SLC25A15: variants seen among roughly 807,000 people sequenced by gnomAD.
The protein encoded by SLC25A15 is solute carrier family 25 member 15.
Under a neutral mutation model 32.3 loss-of-function variants are expected in SLC25A15, and 24 were observed. The ratio of observed to expected loss-of-function variants is 0.74; its 90% CI spans 0.54 to 1.04. The LOEUF (loss-of-function observed/expected upper bound fraction) is 1.04, where lower values mean the gene tolerates loss of function less well. SLC25A15 is among the 50% of genes least tolerant of loss of function. SLC25A15 has a pLI of 0.00. For missense variants in SLC25A15, 317 were observed against 374.5 expected, an observed-to-expected ratio of 0.85 and a Z score of 1.27; for synonymous variants, 132 against 142.1, an observed-to-expected ratio of 0.93 and a Z score of 0.51.
rs1161229751 is a variant in SLC25A15 at position 40,812,394 on chromosome 13, AAT to A, written c.*2731_*2732del. Among the ~76,000 whole-genome samples the A allele has an allele frequency of 1.3e-5, 2 of 152,252 alleles. No homozygotes were observed. The highest frequency in any genetic ancestry group is 3.8e-4 in the East Asian group (2 of 5,198). ...ATTTCATATCTGTACTCCAGGCAGA[AAT>A]ATAACTTGAAAATACTGTGTCTAAA... On this transcript the variant is annotated 3_prime_UTR_variant, in exon 7 of 7. Transcript: ENST00000338625.
At position 40,807,368 on chromosome 13, in the gene SLC25A15, C is replaced by G. The variant is rs1424373746; in HGVS notation, c.527C>G (p.Thr176Ser). Reference sequence around the variant, plus strand: ...GGGTTCTACCATGGACTCTCAAGCACTTTACTTCGAGAAGTACCAGGCTAT... The same window carrying G: ...GGGTTCTACCATGGACTCTCAAGCAGTTTACTTCGAGAAGTACCAGGCTAT... ...PLGFYHGLSS[T>S]LLREVPGYFF... Residue 176 changes from threonine (T) to serine (S), a missense_variant, in exon 5 of 7, where the codon ACT (threonine) becomes AGT (serine). By Grantham distance (58) the Thr-to-Ser change is moderately conservative. Transcript: ENST00000338625. 2 of 1,613,990 alleles carry G rather than the reference C, an allele frequency of 1.2e-6. No individual in the cohort carries two copies. The highest frequency in any genetic ancestry group is 2.7e-5 in the African/African-American group (2 of 74,894).
intron 3 of SLC25A15, among the ~76,000 whole-genome samples, chr13:40,800,636 G>A (rs1306591589): frequency 3.9e-5 from 6 of 152,198 alleles, no homozygotes; most frequent in Admixed American, 2.6e-4. Flanking sequence ...AGCCCCTCCA[G>A]CCACAGGATA....
At position 40,808,537 on chromosome 13, in the gene SLC25A15, C is replaced by G; in HGVS notation, c.722C>G (p.Ser241Cys). 6.2e-7 allele frequency: 1 copy of G among 1,612,042 alleles called. No individual in the cohort carries two copies. Among genetic ancestry groups the G allele is most frequent in the East Asian group, 2.2e-5 (1 of 44,886 alleles). The stretch of plus-strand genomic sequence containing the variant: ...ATCAAATCCAGAATTCAAGTTCTTT[C>G]CATGTCTGGAAAACAGGCAGGATTT... ...DCIKSRIQVL[S>C]MSGKQAGFIR... The change falls in exon 6 of 7, where the codon TCC becomes TGC. Residue 241 changes from serine to cysteine, a missense_variant. Transcript: ENST00000338625.
intron 3 of SLC25A15, among the ~76,000 whole-genome samples, chr13:40,804,215 T>C (rs1177126578): frequency 6.6e-6 from 1 of 152,160 alleles, no homozygotes; most frequent in African/African-American, 2.4e-5. Context: ...TGGCCTCTTC[T>C]TCTAAGGGAC....
At position 40,808,432 on chromosome 13, in the gene SLC25A15, CT is replaced by C. The variant is rs1190124929; in HGVS notation, c.623-5del. The C allele has an allele frequency of 8.1e-6, 13 of 1,603,564 alleles. No individual in the cohort carries two copies. Among genetic ancestry groups the C allele is most frequent in the Non-Finnish European group, 1.0e-5 (12 of 1,176,368 alleles). On this transcript the variant is annotated splice_polypyrimidine_tract_variant and splice_region_variant and intron_variant, in intron 5 of 6. Transcript: ENST00000338625. ...AAATACCATTTGCTATTTTTTTTTT[CT>C]CTAGGCCCTGTACCTTTGATGTTAA...
chr13:40,810,901 CT>C lies in SLC25A15; in HGVS notation c.*1235del. 5 of 532,674 alleles carry C rather than the reference CT, an allele frequency of 9.4e-6. No homozygotes were observed. Among genetic ancestry groups the C allele is most frequent in the South Asian group, 7.0e-5 (5 of 71,344 alleles). 33.0% of individuals were successfully genotyped at this position (532,674 alleles called of 1,614,324 possible). On this transcript the variant is annotated 3_prime_UTR_variant, in exon 7 of 7. Transcript: ENST00000338625. ...CAATCCACTTTGGGCCACTCACTGT[CT>C]GCTCTGCCTCCACCAATCAGAAACC...
rs151239794 is a variant in SLC25A15, at chr13:40,807,406, G to A, written c.565G>A (p.Gly189Ser). Reference protein sequence around the residue: ...REVPGYFFFFGGYELSRSFFA... With the variant: ...REVPGYFFFFSGYELSRSFFA... ...AGTACCAGGCTATTTCTTCTTCTTCGGTGGCTATGAACTGAGCCGGTCCTT... is the reference window on the plus strand; with the variant it reads ...AGTACCAGGCTATTTCTTCTTCTTCAGTGGCTATGAACTGAGCCGGTCCTT... Residue 189 changes from glycine (G) to serine (S), a missense_variant, in exon 5 of 7, where the codon GGT becomes AGT. Gly to Ser is a moderately conservative substitution (Grantham distance 56). Transcript: ENST00000338625. 3.2e-4 allele frequency: 522 copies of A among 1,614,086 alleles called. 1 individual carries two copies. The highest frequency in any genetic ancestry group is 1.6e-3 in the Middle Eastern group (10 of 6,062).
At chr13:40,803,413 G>A (rs1016994692) in intron 3 of SLC25A15, among the ~76,000 whole-genome samples, 3 of 151,940 alleles carry the variant, frequency 2.0e-5, no homozygotes, top group Admixed American at 2.0e-4. Context: ...TGCCATGTTG[G>A]CCAGGCCTCA....
At chr13:40,794,161 A>T (rs1175608405) in intron 2 of SLC25A15, among the ~76,000 whole-genome samples, 4 of 152,154 alleles carry the variant, frequency 2.6e-5, no homozygotes, top group African/African-American at 4.8e-5. Flanking sequence ...ACCAACATGG[A>T]GAAACCCCGT....
intron 2 of SLC25A15, among the ~76,000 whole-genome samples, chr13:40,795,654 A>G (rs1536807): frequency 0.54 from 82,343 of 151,666 alleles, 22,474 homozygotes; most frequent in Middle Eastern, 0.61. Flanking sequence ...GGGACAGGAT[A>G]GGGAGGGGGA....
chr13:40,807,527 C>A (rs1882243730), intron 5 of SLC25A15, 64 bp downstream of exon 5: 33 of 1,557,370 alleles, frequency 2.1e-5, no homozygotes, highest in Non-Finnish European at 2.8e-5. Context: ...GGTATGGTTT[C>A]TGTGGATTCT....
At chr13:40,807,138 G>A (rs1384771929) in intron 4 of SLC25A15, among the ~76,000 whole-genome samples, 156 bp from the exon 5 acceptor site, 1 of 152,188 alleles carries the variant, frequency 6.6e-6, no homozygotes, top group East Asian at 1.9e-4. Context: ...TCCCACAGAA[G>A]GATGCCGTTG....
chr13:40,809,425 T>C, intron 6 of SLC25A15, 118 bp from the exon 7 acceptor site: 5 of 1,249,534 alleles, frequency 4.0e-6, no homozygotes, highest in Non-Finnish European at 5.9e-6. Context: ...CTATGACTTG[T>C]TGGTTTTTAG....
chr13:40,801,246 G>A (rs1212775792), intron 3 of SLC25A15, among the ~76,000 whole-genome samples: 110 of 144,484 alleles, frequency 7.6e-4, no homozygotes, highest in East Asian at 8.0e-4. Context: ...AAAAAAAAAA[G>A]AAAAGAAAAG....
rs1882406000 is a variant in SLC25A15 at position 40,810,602 on chromosome 13, C to G, written c.*935C>G. Among the ~76,000 whole-genome samples the G allele has an allele frequency of 1.3e-5, 2 of 152,076 alleles. No homozygotes were observed. Among genetic ancestry groups the G allele is most frequent in the Admixed American group, 6.6e-5 (1 of 15,264 alleles). ...CTTCAGAGTAGGTATCCTAGATTTC[C>G]CCAAGATGCTCTACTCTTAAAATAG... On this transcript the variant is annotated 3_prime_UTR_variant, in exon 7 of 7. Coordinates refer to ENST00000338625, the MANE Select transcript of SLC25A15 (RefSeq NM_014252.4).
rs886050243 is a variant in SLC25A15 at position 40,811,012 on chromosome 13, G to C, written c.*1345G>C. The stretch of plus-strand genomic sequence containing the variant: ...TGTGACAGTGGGTGAACCTCTCTCA[G>C]AGAGAACTAGAAAGAACTCAGTGCT... On this transcript the variant is annotated 3_prime_UTR_variant, in exon 7 of 7. Coordinates refer to ENST00000338625, the MANE Select transcript of SLC25A15 (RefSeq NM_014252.4). 6.6e-6 allele frequency among the ~76,000 whole-genome samples: 1 copy of C among 152,208 alleles called. No homozygotes were observed. The highest frequency in any genetic ancestry group is 2.4e-5 in the African/African-American group (1 of 41,446).
Position 40,793,297 on chromosome 13 carries a change from T to G in SLC25A15, c.55+16T>G, listed in dbSNP as rs1803368766. On this transcript the variant is annotated intron_variant, in intron 2 of 6. Coordinates refer to ENST00000338625, the MANE Select transcript of SLC25A15 (RefSeq NM_014252.4). The stretch of plus-strand genomic sequence containing the variant: ...GGGGCTGCAGGTACAGTCATGTGCC[T>G]CATCACCATGTTTCTGTCGTTGATG... 2 of 1,609,768 alleles carry G rather than the reference T, an allele frequency of 1.2e-6. No homozygotes were observed. The highest frequency in any genetic ancestry group is 2.7e-5 in the African/African-American group (2 of 74,880).
At position 40,812,233 on chromosome 13, in the gene SLC25A15, G is replaced by A. The variant is rs1245851362; in HGVS notation, c.*2566G>A. ...TTGGCAGTAAATCTTCCCACAGGCC[G>A]TCCATTAGAGATTTAACTAGATATG... On this transcript the variant is annotated 3_prime_UTR_variant, in exon 7 of 7. Transcript: ENST00000338625. Among the ~76,000 whole-genome samples, 1 of 152,102 alleles carries A rather than the reference G, an allele frequency of 6.6e-6. No individual in the cohort carries two copies. The highest frequency in any genetic ancestry group is 2.4e-5 in the African/African-American group (1 of 41,406).
In SLC25A15 at chr13:40,809,566, C is replaced by T. The variant is rs1397426904; in HGVS notation, c.805C>T (p.Leu269=). The T allele has an allele frequency of 1.9e-6, 3 of 1,612,062 alleles. No individual in the cohort carries two copies. In the Admixed American group the frequency reaches 5.0e-5, roughly 27 times the overall value. ...AGGAATAACGGCCTTATATTCTGGACTGAAACCTACTATGATTCGAGCATT... is the reference window on the plus strand; with the variant it reads ...AGGAATAACGGCCTTATATTCTGGATTGAAACCTACTATGATTCGAGCATT... The part of the protein sequence containing the change: ...NEGITALYSG[L]KPTMIRAFPA... Residue 269 remains leucine (L), a synonymous_variant, in exon 7 of 7, where the codon CTG becomes TTG. Transcript: ENST00000338625.
Sources: allele counts gnomAD v4.1 joint callset (sites outside exome capture counted in the v4.1 genomes callset), GRCh38; gene constraint gnomAD v4.1.1; transcripts MANE v1.5; gene names NCBI Gene and HGNC (gene_info 2026-07-23, HGNC 2026-07-21).